Variants in BBS2 observed in about 807,000 individuals in gnomAD.
BBS2 encodes BBSome complex member BBS2.
A neutral mutation model predicts 83.0 loss-of-function variants in BBS2; 62 were observed. The ratio of observed to expected loss-of-function variants is 0.75; its 90% CI spans 0.61 to 0.92. BBS2 has a LOEUF of 0.92. Among genes scored for constraint, BBS2 ranks in the 40% least tolerant of loss-of-function variants. BBS2 has a pLI of 0.00. For synonymous variants in BBS2, 303 were observed against 326.1 expected, an observed-to-expected ratio of 0.93 and a Z score of 0.76; for missense variants, 784 against 901.0, an observed-to-expected ratio of 0.87 and a Z score of 1.66.
chr16:56,510,798 A>C, intron 4 of BBS2, 61 bp downstream of exon 4: 1 of 1,567,332 alleles, frequency 6.4e-7, no homozygotes, highest in Non-Finnish European at 8.8e-7. Context: ...CACTAATGTC[A>C]CTGTCATGGC....
intron 7 of BBS2, among the ~76,000 whole-genome samples, chr16:56,505,645 T>G (rs1258706276): frequency 6.6e-6 from 1 of 152,240 alleles, no homozygotes; most frequent in African/African-American, 2.4e-5. Context: ...ACTCCTTTTT[T>G]ACTGTTGTAC....
chr16:56,487,364 A>T (rs1963812906), intron 15 of BBS2, among the ~76,000 whole-genome samples: 3 of 152,216 alleles, frequency 2.0e-5, no homozygotes. Flanking sequence ...TACATCTGGA[A>T]AAACTATAAG....
downstream of BBS2, among the ~76,000 whole-genome samples, chr16:56,480,376 A>AAAAAAAAAAAAAAAAAAAAAC (rs1555519799): frequency 7.0e-6 from 1 of 142,400 alleles, no homozygotes; most frequent in Non-Finnish European, 1.5e-5. Flanking sequence ...CAAAAAAAAA[A>AAAAAAAAAAAAAAAAAAAAAC]ACAAAGCTTG....
intron 15 of BBS2, among the ~76,000 whole-genome samples, chr16:56,487,082 C>G (rs766131569): frequency 2.0e-5 from 3 of 151,504 alleles, no homozygotes; most frequent in Non-Finnish European, 4.4e-5. Flanking sequence ...TCCTATATCT[C>G]GATTGTAGTA....
At chr16:56,470,505 G>A (rs1273893970) in exon 18 of BBS2, 1 of 1,610,208 alleles carries the variant, frequency 6.2e-7, no homozygotes, top group Non-Finnish European at 8.5e-7. Flanking sequence ...AGAAAGCTGA[G>A]GAGAGTAAGC....
At chr16:56,515,258 A>G (rs1964701122) in intron 1 of BBS2, among the ~76,000 whole-genome samples, 1 of 152,226 alleles carries the variant, frequency 6.6e-6, no homozygotes, top group Non-Finnish European at 1.5e-5. Flanking sequence ...AATAAATTCA[A>G]CAGTTTCAAC....
Position 56,485,023 on chromosome 16 carries a change from G to A in BBS2, c.2060-156C>T, listed in dbSNP as rs988126448. ...TCCCTAAAAAAAATAACTTGGTGAG[G>A]GAATTATTGAAAAAACTGACTTAGA... On this transcript the variant is annotated intron_variant, in intron 16 of 16. Coordinates refer to ENST00000245157, the MANE Select transcript of BBS2 (RefSeq NM_031885.5). Among the ~76,000 whole-genome samples, 4 of 152,104 alleles carry A rather than the reference G, an allele frequency of 2.6e-5. No individual in the cohort carries two copies. In the East Asian group the frequency reaches 5.8e-4, roughly 22 times the overall value.
At chr16:56,486,748 C>CTTTTTTTT (rs1190474419) in intron 15 of BBS2, among the ~76,000 whole-genome samples, 6 of 84,214 alleles carry the variant, frequency 7.1e-5, no homozygotes, top group Admixed American at 1.3e-4. Context: ...CAGAAATATT[C>CTTTTTTTT]TTTTTTTTTT....
chr16:56,479,011 T>G (rs984647604), intron 17 of BBS2: 5 of 152,242 alleles, frequency 3.3e-5, no homozygotes, highest in East Asian at 1.9e-4. Context: ...CTGGGGCCAA[T>G]GTCAACAACT....
rs2144092904 is a variant in BBS2, at chr16:56,484,767, A to G, written c.2160T>C (p.Ser720=). ...LFKIMRVGTA[S]S is the part of the protein sequence containing the mutation. ...TGACCTGTATTTTCCTCACCTAGGA[A>G]GAAGCTGTCCCCACTCGCATGATTT... The change falls in exon 17 of 17, where the codon TCT becomes TCC. Residue 720 remains serine (S), a synonymous_variant. Transcript: ENST00000245157. 6.2e-7 allele frequency: 1 copy of G among 1,613,602 alleles called. No homozygotes were observed.
At position 56,474,881 on chromosome 16, in the gene BBS2, T is replaced by C. The variant is rs764193775; in HGVS notation, c.*1-4186A>G. ...ACTGAGGCATTGGAAGACCGGTCAC[T>C]ACACTTTAATTCATGACCATAGCAA... On this transcript the variant is annotated intron_variant, in intron 17 of 17. Coordinates refer to the BBS2 transcript ENST00000682047. 15 of 1,612,864 alleles carry C rather than the reference T, an allele frequency of 9.3e-6. No homozygotes were observed. In the South Asian group the frequency reaches 1.6e-4, roughly 18 times the overall value.
Position 56,502,748 on chromosome 16 carries a change from T to C in BBS2, c.865A>G (p.Ile289Val), listed in dbSNP as rs150384293. The change falls in exon 8 of 17, where the codon ATT (isoleucine) becomes GTT (valine). Residue 289 changes from isoleucine to valine, a missense_variant. Coordinates refer to ENST00000245157, the MANE Select transcript of BBS2 (RefSeq NM_031885.5). ...VIFKDNFSSAIAGVVEGDYRM... is the reference protein window; with the variant it reads ...VIFKDNFSSAVAGVVEGDYRM... ...TAATCTCCCTCTACCACACCGGCAATTGCAGAAGAAAAATTGTCCTTAAAG... is the reference window on the plus strand; with the variant it reads ...TAATCTCCCTCTACCACACCGGCAACTGCAGAAGAAAAATTGTCCTTAAAG... 3.7e-3 allele frequency: 6,024 copies of C among 1,614,146 alleles called. 182 individuals are homozygous for C. The South Asian group carries it at 0.05, about 13-fold the overall frequency.
chr16:56,473,878 C>T (rs536581665), intron 17 of BBS2, among the ~76,000 whole-genome samples: 25 of 151,992 alleles, frequency 1.6e-4, no homozygotes, highest in Non-Finnish European at 3.2e-4. Flanking sequence ...GTGATCTCAG[C>T]TCACTGCAAC....
intron 17 of BBS2, among the ~76,000 whole-genome samples, chr16:56,471,315 T>C (rs1257716264): frequency 1.3e-5 from 2 of 150,906 alleles, no homozygotes; most frequent in African/African-American, 4.9e-5. Context: ...TGAGTCGAGA[T>C]TGCACCATTG....
At chr16:56,489,199 G>A (rs1432760936) in intron 15 of BBS2, among the ~76,000 whole-genome samples, 1 of 152,098 alleles carries the variant, frequency 6.6e-6, no homozygotes, top group African/African-American at 2.4e-5. Context: ...AAATTAGCTG[G>A]GTGTGGTGGC....
chr16:56,476,440 T>A (rs927940257), intron 17 of BBS2: 9 of 342,512 alleles, frequency 2.6e-5, no homozygotes, highest in Admixed American at 9.2e-5. Context: ...TTTTAACATT[T>A]AGTCCTTTTT....
intron 11 of BBS2, chr16:56,500,351 C>T (rs1438005777): frequency 7.9e-6 from 2 of 253,266 alleles, no homozygotes; most frequent in East Asian, 1.1e-4. Flanking sequence ...CTTAGCCAGG[C>T]GTGGTGGCTC....
chr16:56,485,380 G>A (rs1963746871), intron 16 of BBS2, among the ~76,000 whole-genome samples: 1 of 152,166 alleles, frequency 6.6e-6, no homozygotes, highest in African/African-American at 2.4e-5. Flanking sequence ...AAGAAAAGGA[G>A]CTGAAGGTTT....
intron 2 of BBS2, 121 bp from the exon 3 acceptor site, chr16:56,511,405 G>T: frequency 7.2e-7 from 1 of 1,381,834 alleles, no homozygotes; most frequent in Non-Finnish European, 1.0e-6. Context: ...TATCCATAAT[G>T]TGGGTGGGCC....
Sources: allele counts gnomAD v4.1 joint callset (sites outside exome capture counted in the v4.1 genomes callset), GRCh38; gene constraint gnomAD v4.1.1; transcripts MANE v1.5; gene names NCBI Gene and HGNC (gene_info 2026-07-23, HGNC 2026-07-21).